The following NT5DC3 variants were observed in gnomAD, a reference collection of about 807,000 sequenced individuals.
NT5DC3 encodes 5'-nucleotidase domain containing 3.
Under a neutral mutation model 67.8 loss-of-function variants are expected in NT5DC3, and 42 were observed. The observed-to-expected ratio is 0.62, with a 90% CI of 0.48 to 0.80. The LOEUF is 0.80. Among genes scored for constraint, NT5DC3 ranks in the 30% least tolerant of loss-of-function variants. NT5DC3 has a pLI of 0.00. For synonymous variants in NT5DC3, 237 were observed against 255.6 expected, an observed-to-expected ratio of 0.93 and a Z score of 0.69; for missense variants, 570 against 696.4, an observed-to-expected ratio of 0.82 and a Z score of 2.04.
At chr12:103,779,213 A>AC (rs1885451325) in intron 13 of NT5DC3, among the ~76,000 whole-genome samples, 1 of 152,142 alleles carries the variant, frequency 6.6e-6, no homozygotes, top group Admixed American at 6.5e-5. Context: ...GAGGCTGTTC[A>AC]CCCCATCCAA....
At chr12:103,759,091 T>C in the NT5DC3 span, 2 of 1,614,038 alleles carry the variant, frequency 1.2e-6, no homozygotes, top group Non-Finnish European at 1.7e-6. Flanking sequence ...AAAATATTGC[T>C]TGGCCTTTGA....
At chr12:103,833,162 T>C (rs185754676) in intron 1 of NT5DC3, among the ~76,000 whole-genome samples, 3 of 152,332 alleles carry the variant, frequency 2.0e-5, no homozygotes, top group Non-Finnish European at 2.9e-5. Flanking sequence ...CAGTCAAATT[T>C]ACTTGGGAAG....
the NT5DC3 span, chr12:103,755,627 G>A: frequency 2.5e-6 from 4 of 1,614,030 alleles, no homozygotes; most frequent in Non-Finnish European, 3.4e-6. Context: ...AACTGCACCT[G>A]CAAGGTGGGC....
intron 2 of NT5DC3, among the ~76,000 whole-genome samples, chr12:103,807,399 G>A (rs1886846815): frequency 6.6e-6 from 1 of 152,202 alleles, no homozygotes; most frequent in Non-Finnish European, 1.5e-5. Flanking sequence ...CAACTCATAT[G>A]TGAGCACCTT....
chr12:103,778,612 A>G (rs1885427001), intron 13 of NT5DC3, among the ~76,000 whole-genome samples: 1 of 152,058 alleles, frequency 6.6e-6, no homozygotes, highest in Non-Finnish European at 1.5e-5. Context: ...GCCCACCAGC[A>G]TGGGCAACAT....
intron 4 of NT5DC3, 105 bp from the exon 5 acceptor site, chr12:103,798,782 T>C (rs932077652): frequency 1.3e-6 from 1 of 778,010 alleles, no homozygotes; most frequent in South Asian, 1.6e-5. Context: ...CAAGGCACTG[T>C]CATCATGACG....
At chr12:103,832,029 G>A (rs1030320318) in intron 1 of NT5DC3, among the ~76,000 whole-genome samples, 83 of 151,826 alleles carry the variant, frequency 5.5e-4, no homozygotes, top group African/African-American at 2.0e-3. Context: ...TGCCCACCTC[G>A]GCTTCCCAAA....
chr12:103,807,557 C>G (rs1296671408), intron 2 of NT5DC3, among the ~76,000 whole-genome samples: 1 of 152,186 alleles, frequency 6.6e-6, no homozygotes, highest in Non-Finnish European at 1.5e-5. Context: ...GCTGGGCAAC[C>G]CCACGGCTGT....
At chr12:103,781,129 C>G (rs1324121627) in intron 12 of NT5DC3, among the ~76,000 whole-genome samples, 1 of 152,174 alleles carries the variant, frequency 6.6e-6, no homozygotes, top group East Asian at 1.9e-4. Context: ...AAGTCCCTCT[C>G]CAAGGTTCTT....
the NT5DC3 span, chr12:103,762,185 G>T: frequency 6.4e-7 from 1 of 1,557,196 alleles, no homozygotes; most frequent in South Asian, 1.2e-5. Flanking sequence ...TATCCCCACT[G>T]GCTCCAGAAT....
At chr12:103,792,698 A>G (rs2139339208) in intron 9 of NT5DC3, among the ~76,000 whole-genome samples, 1 of 152,340 alleles carries the variant, frequency 6.6e-6, no homozygotes, top group Non-Finnish European at 1.5e-5. Context: ...AAGACGTAAT[A>G]GAGATTTACT....
intron 1 of NT5DC3, among the ~76,000 whole-genome samples, chr12:103,824,014 T>C (rs1477584575): frequency 6.6e-6 from 1 of 152,214 alleles, no homozygotes; most frequent in Non-Finnish European, 1.5e-5. Context: ...GGTTGAAACA[T>C]GTGAACCTCT....
the NT5DC3 span, chr12:103,763,706 T>A: frequency 8.7e-7 from 1 of 1,152,108 alleles, no homozygotes; most frequent in Non-Finnish European, 1.3e-6. Flanking sequence ...CCAAAGAAGG[T>A]TCATTTCTAG....
intron 2 of NT5DC3, among the ~76,000 whole-genome samples, chr12:103,807,270 G>A (rs1276732603): frequency 4.6e-5 from 7 of 151,988 alleles, no homozygotes; most frequent in East Asian, 3.8e-4. Context: ...GGAACACATC[G>A]GCTTCAATCT....
chr12:103,795,365 T>C (rs1023914451), intron 6 of NT5DC3, among the ~76,000 whole-genome samples: 11 of 152,238 alleles, frequency 7.2e-5, no homozygotes, highest in African/African-American at 2.7e-4. Flanking sequence ...CACAAGTATT[T>C]GCTCTTGGTG....
In NT5DC3 at chr12:103,778,127, A is replaced by C. The variant is rs533041862; in HGVS notation, c.1395-46T>G. ...CAAAGCAACAGAGAATGATTCAAAA[A>C]TCCTTGTTTTTAAACTACTGAAATC... On this transcript the variant is annotated intron_variant, in intron 13 of 13. Transcript: ENST00000392876. 43 of 1,542,800 alleles carry C rather than the reference A, an allele frequency of 2.8e-5. No individual in the cohort carries two copies. The South Asian group carries it at 4.9e-4, about 18-fold the overall frequency.
At chr12:103,769,084 G>A (rs1885127221), downstream of NT5DC3, among the ~76,000 whole-genome samples, 1 of 152,106 alleles carries the variant, frequency 6.6e-6, no homozygotes, top group Non-Finnish European at 1.5e-5. Context: ...AGAACAGTGA[G>A]GAACTTTCTT....
At chr12:103,837,728 C>T (rs1888212647) in intron 1 of NT5DC3, among the ~76,000 whole-genome samples, 1 of 152,242 alleles carries the variant, frequency 6.6e-6, no homozygotes, top group African/African-American at 2.4e-5. Context: ...GAGACTACTT[C>T]AGCCTGGACC....
At chr12:103,805,937 C>A (rs905418460) in intron 4 of NT5DC3, among the ~76,000 whole-genome samples, 2 of 151,964 alleles carry the variant, frequency 1.3e-5, no homozygotes, top group Admixed American at 6.6e-5. Context: ...ACCCCCATAG[C>A]CCTCCTGCTC....
Sources: allele counts gnomAD v4.1 joint callset (sites outside exome capture counted in the v4.1 genomes callset), GRCh38; gene constraint gnomAD v4.1.1; transcripts MANE v1.5; gene names NCBI Gene and HGNC (gene_info 2026-07-23, HGNC 2026-07-21).